CDH12: variants seen among roughly 807,000 people sequenced by gnomAD.
CDH12 encodes the protein cadherin-12.
Under a neutral mutation model 74.1 loss-of-function variants are expected in CDH12, and 41 were observed. The ratio of observed to expected loss-of-function variants is 0.55; its 90% confidence interval spans 0.43 to 0.72. The LOEUF (loss-of-function observed/expected upper bound fraction) is 0.72, where lower values mean the gene tolerates loss of function less well. CDH12 is among the 30% of genes least tolerant of loss of function. The pLI is 0.00. For synonymous variants in CDH12, 399 were observed against 355.0 expected (o/e 1.12, Z -1.39); for missense variants, 945 against 977.2 (o/e 0.97, Z 0.44).
At chr5:22,170,276 T>C (rs538485142) in intron 4 of CDH12, among the ~76,000 whole-genome samples, 1 of 152,016 alleles carries the variant, frequency 6.6e-6, no homozygotes, top group East Asian at 1.9e-4. Flanking sequence ...AAACTTTAAG[T>C]TGTTCTGATT....
chr5:22,531,836 C>T (rs1296983517), intron 1 of CDH12, among the ~76,000 whole-genome samples: 1 of 151,984 alleles, frequency 6.6e-6, no homozygotes, highest in African/African-American at 2.4e-5. Context: ...CAGCTAGATC[C>T]CAAATTCCCT....
chr5:22,330,247 G>C (rs1296345338), intron 3 of CDH12, among the ~76,000 whole-genome samples: 1 of 152,072 alleles, frequency 6.6e-6, no homozygotes, highest in Non-Finnish European at 1.5e-5. Flanking sequence ...CCTAGACACA[G>C]CCTGTGTCAA....
At chr5:22,443,622 T>G (rs1484609932) in intron 2 of CDH12, among the ~76,000 whole-genome samples, 1 of 152,100 alleles carries the variant, frequency 6.6e-6, no homozygotes. Context: ...TTATCAGAAT[T>G]TATGATACAA....
chr5:22,532,502 C>A (rs1334601308), intron 1 of CDH12, among the ~76,000 whole-genome samples: 1 of 149,928 alleles, frequency 6.7e-6, no homozygotes, highest in East Asian at 2.0e-4. Context: ...GTGTATTTTT[C>A]TTTTAGACAG....
chr5:22,057,564 G>A (rs921305232), intron 5 of CDH12, among the ~76,000 whole-genome samples: 1 of 152,174 alleles, frequency 6.6e-6, no homozygotes, highest in Non-Finnish European at 1.5e-5. Flanking sequence ...GCGGAAGGGA[G>A]TGAACTCTGT....
chr5:22,189,568 T>C (rs1750147189), intron 4 of CDH12, among the ~76,000 whole-genome samples: 1 of 151,918 alleles, frequency 6.6e-6, no homozygotes, highest in Non-Finnish European at 1.5e-5. Context: ...ATATTCGATC[T>C]GTACAATTCT....
chr5:22,398,904 G>A (rs1047844093), intron 3 of CDH12, among the ~76,000 whole-genome samples: 9 of 152,116 alleles, frequency 5.9e-5, no homozygotes, highest in Non-Finnish European at 1.3e-4. Flanking sequence ...TACTGTGGTA[G>A]AGACCCCTCT....
intron 2 of CDH12, among the ~76,000 whole-genome samples, chr5:22,460,592 T>C (rs968907813): frequency 2.6e-5 from 4 of 152,142 alleles, no homozygotes; most frequent in Admixed American, 6.6e-5. Context: ...CAGAGATGTT[T>C]AAGAAGTTCC....
At chr5:22,622,190 AGTTATAAATAAGCT>A (rs1013661590) in intron 1 of CDH12, among the ~76,000 whole-genome samples, 5 of 152,188 alleles carry the variant, frequency 3.3e-5, no homozygotes, top group Admixed American at 2.0e-4. Context: ...TACTAGACAA[AGTTATAAATAAGCT>A]GTTATAAATA....
chr5:22,560,836 G>T (rs931214219), intron 1 of CDH12, among the ~76,000 whole-genome samples: 1 of 152,128 alleles, frequency 6.6e-6, no homozygotes, highest in Admixed American at 6.6e-5. Context: ...TCAGAAAATT[G>T]CTTTCTTTAG....
At chr5:21,854,933 T>A in intron 6 of CDH12, 143 bp from the exon 7 acceptor site, 2 of 553,782 alleles carry the variant, frequency 3.6e-6, no homozygotes, top group Non-Finnish European at 6.2e-6. Context: ...GAGGATAGTT[T>A]AACCGTTATA....
At chr5:21,887,413 TTC>T (rs1752686645) in intron 6 of CDH12, among the ~76,000 whole-genome samples, 1 of 152,174 alleles carries the variant, frequency 6.6e-6, no homozygotes, top group South Asian at 2.1e-4. Context: ...GAGAAATTAA[TTC>T]TGTCTCCAAA....
chr5:22,428,445 ATG>A lies in CDH12; in HGVS notation c.-427-23096_-427-23095del, dbSNP rs536857435. 4.0e-3 allele frequency among the ~76,000 whole-genome samples: 601 copies of A among 150,510 alleles called. 7 individuals carry two copies. The highest frequency in any genetic ancestry group is 0.014 in the African/African-American group (564 of 40,762). Reference sequence around the variant, plus strand: ...TATAGAGGAATACACATATATATATATGTGTGTGTGTGTGTGATATGTATGTG... The same window carrying A: ...TATAGAGGAATACACATATATATATATGTGTGTGTGTGTGATATGTATGTG... On this transcript the variant is annotated intron_variant, in intron 2 of 14. Coordinates refer to ENST00000382254, the MANE Select transcript of CDH12 (RefSeq NM_004061.5).
intron 3 of CDH12, among the ~76,000 whole-genome samples, chr5:22,271,834 A>G (rs548604364): frequency 2.0e-5 from 3 of 152,128 alleles, no homozygotes; most frequent in Admixed American, 6.5e-5. Context: ...TGAGTCTAAA[A>G]TATTAGGTGA....
chr5:22,075,533 T>C (rs1324543366), intron 5 of CDH12, among the ~76,000 whole-genome samples: 1 of 152,172 alleles, frequency 6.6e-6, no homozygotes, highest in Non-Finnish European at 1.5e-5. Flanking sequence ...TCTGATTTTC[T>C]TTATGACATT....
chr5:21,760,597 C>T lies in CDH12; in HGVS notation c.1594G>A (p.Ala532Thr), dbSNP rs760055627. Residue 532 changes from alanine (A) to threonine (T), a missense_variant, in exon 13 of 15, where the codon GCT (alanine) becomes ACT (threonine). Physicochemically the swap from Ala to Thr is moderately conservative, Grantham distance 58. This residue lies in a region of CDH12 where 791 missense variants were observed against 792.8 expected (regional missense o/e 1.00). Coordinates refer to ENST00000382254, the MANE Select transcript of CDH12 (RefSeq NM_004061.5). ...QQFSFRLSPE[A>T]AIKPNFTVRD... is the part of the protein sequence containing the mutation. ...ACTGTAAAATTTGGTTTGATAGCAGCCTCAGGTGATAATCTAAAGGAGAAT... is the reference window on the plus strand; with the variant it reads ...ACTGTAAAATTTGGTTTGATAGCAGTCTCAGGTGATAATCTAAAGGAGAAT... 3.1e-6 allele frequency: 5 copies of T among 1,610,660 alleles called. No homozygotes were observed. The highest frequency in any genetic ancestry group is 4.2e-6 in the Non-Finnish European group (5 of 1,177,388).
At chr5:22,101,560 T>C (rs1004126847) in intron 4 of CDH12, among the ~76,000 whole-genome samples, 1 of 152,174 alleles carries the variant, frequency 6.6e-6, no homozygotes, top group Non-Finnish European at 1.5e-5. Flanking sequence ...AGTTTTATCT[T>C]AGGCTTCAAG....
intron 3 of CDH12, among the ~76,000 whole-genome samples, chr5:22,311,142 C>T (rs894101483): frequency 1.3e-5 from 2 of 152,240 alleles, no homozygotes; most frequent in East Asian, 3.9e-4. Context: ...GAAGAGGTAA[C>T]TTTCACGCAA....
intron 11 of CDH12, among the ~76,000 whole-genome samples, chr5:21,781,968 T>C (rs1256919190): frequency 6.6e-6 from 1 of 152,184 alleles, no homozygotes; most frequent in Non-Finnish European, 1.5e-5. Flanking sequence ...TTGTGACAAA[T>C]AATTTTTCAT....
Sources: allele counts gnomAD v4.1 joint callset (sites outside exome capture counted in the v4.1 genomes callset), GRCh38; gene constraint gnomAD v4.1.1; regional missense constraint gnomAD v4.1.1; transcripts MANE v1.5; gene names NCBI Gene and HGNC (gene_info 2026-07-23, HGNC 2026-07-21).